Variants in TP53BP1 observed in about 807,000 individuals in gnomAD.
The protein encoded by TP53BP1 is tumor protein p53 binding protein 1.
TP53BP1 carries 61 observed loss-of-function variants against 200.8 expected under a neutral mutation model. The observed-to-expected ratio is 0.30, with a 90% confidence interval of 0.25 to 0.38. TP53BP1 has a LOEUF of 0.38. Ranked by LOEUF, TP53BP1 falls within the 10% of genes least tolerant of loss-of-function variation. The pLI is 1.00. For missense variants in TP53BP1, 2,144 were observed against 2,371.9 expected (o/e 0.90, Z 2.00); for synonymous variants, 822 against 844.3 (o/e 0.97, Z 0.46).
chr15:43,462,392 C>T (rs2046460563), intron 11 of TP53BP1, among the ~76,000 whole-genome samples: 1 of 152,040 alleles, frequency 6.6e-6, no homozygotes, highest in Non-Finnish European at 1.5e-5. Flanking sequence ...CTTCAAACAC[C>T]TGAACTCAAG....
At chr15:43,429,675 T>A (rs1285543106) in intron 17 of TP53BP1, among the ~76,000 whole-genome samples, 2 of 152,232 alleles carry the variant, frequency 1.3e-5, no homozygotes, top group African/African-American at 4.8e-5. Flanking sequence ...ATGTAAATTA[T>A]GTGACTAGTT....
chr15:43,480,822 A>G, intron 5 of TP53BP1, 73 bp downstream of exon 5: 2 of 1,522,024 alleles, frequency 1.3e-6, no homozygotes, highest in South Asian at 2.4e-5. Context: ...AAGAGGAGAA[A>G]TTTAGACATC....
chr15:43,494,099 T>G (rs904200615), upstream of TP53BP1, among the ~76,000 whole-genome samples: 1 of 151,718 alleles, frequency 6.6e-6, no homozygotes, highest in Admixed American at 6.6e-5. Context: ...TGTTGAGGGG[T>G]GGGGGTATAT....
chr15:43,437,589 TG>T (rs1451690906), intron 16 of TP53BP1, among the ~76,000 whole-genome samples: 1 of 152,200 alleles, frequency 6.6e-6, no homozygotes, highest in African/African-American at 2.4e-5. Context: ...CACTCCAGCC[TG>T]GGTGACAGAG....
At chr15:43,497,344 C>A (rs999222989), upstream of TP53BP1, 3 of 899,588 alleles carry the variant, frequency 3.3e-6, no homozygotes, top group Non-Finnish European at 4.0e-6. Context: ...CGCACCACTG[C>A]ACCCCAGCCT....
In TP53BP1 at chr15:43,441,518, T is replaced by C; in HGVS notation, c.3098+8A>G. ...ATTAAACTCTAAATAGCATCCAGCTTTGGTTACCTGGCAACAGACTCAGCA... is the reference window on the plus strand; with the variant it reads ...ATTAAACTCTAAATAGCATCCAGCTCTGGTTACCTGGCAACAGACTCAGCA... On this transcript the variant is annotated splice_region_variant and intron_variant, in intron 15 of 27. Transcript: ENST00000382044. 1 of 1,603,614 alleles carries C rather than the reference T, an allele frequency of 6.2e-7. No homozygotes were observed. The highest frequency in any genetic ancestry group is 8.5e-7 in the Non-Finnish European group (1 of 1,170,456).
intron 2 of TP53BP1, 66 bp downstream of exon 2, chr15:43,492,217 AT>A: frequency 6.6e-7 from 1 of 1,522,992 alleles, no homozygotes. Context: ...CTAAATACTT[AT>A]GTTTGCTGGT....
intron 11 of TP53BP1, among the ~76,000 whole-genome samples, chr15:43,459,711 C>T (rs2245054): frequency 0.28 from 42,654 of 151,222 alleles, 10,198 homozygotes; most frequent in African/African-American, 0.65. Flanking sequence ...GTTGCCTAGG[C>T]TCTGGAGTGC....
At chr15:43,407,744 G>C in intron 27 of TP53BP1, 174 bp from the exon 28 acceptor site, 1 of 776,838 alleles carries the variant, frequency 1.3e-6, no homozygotes, top group Non-Finnish European at 2.0e-6. Context: ...ACTATGTGCT[G>C]ACCTTGTAGA....
In TP53BP1 at chr15:43,465,801, TG is replaced by T. The variant is rs1258228490; in HGVS notation, c.1389+4056del. Among the ~76,000 whole-genome samples, 531 of 86,120 alleles carry T rather than the reference TG, an allele frequency of 6.2e-3. 13 individuals carry two copies. In the East Asian group the frequency reaches 0.14, roughly 23 times the overall value. The allele number at this position is 86,120 out of a possible 152,430, so 56.5% of individuals were successfully genotyped here. ...ACTGCCTTCACACTGTTTTGTTTTT[TG>T]TTGTTGTTGTTGTTGTTGTTTTGTT... On this transcript the variant is annotated intron_variant, in intron 11 of 27. Transcript: ENST00000382044.
intron 26 of TP53BP1, chr15:43,408,447 C>CAGA (rs2044994646): frequency 3.7e-6 from 1 of 269,810 alleles, no homozygotes; most frequent in African/African-American, 2.2e-5. Context: ...CGCCACTGTA[C>CAGA]TCCAGCCTAG....
chr15:43,498,815 G>A (rs2079194268), intron 1 of TP53BP1, among the ~76,000 whole-genome samples: 3 of 152,088 alleles, frequency 2.0e-5, no homozygotes, highest in African/African-American at 7.2e-5. Context: ...AATAAAGAAA[G>A]AGAATGGTAC....
At chr15:43,419,604 C>G (rs1355629293) in intron 21 of TP53BP1, among the ~76,000 whole-genome samples, 3 of 134,028 alleles carry the variant, frequency 2.2e-5, no homozygotes, top group Non-Finnish European at 1.6e-5. Flanking sequence ...TGGTCTCAAA[C>G]TCCTGACCTC....
chr15:43,405,248 C>G lies in TP53BP1; in HGVS notation c.*2135G>C, dbSNP rs761226515. 6.2e-7 allele frequency: 1 copy of G among 1,612,234 alleles called. No homozygotes were observed. Among genetic ancestry groups the G allele is most frequent in the South Asian group, 1.1e-5 (1 of 91,046 alleles). ...GGCTCATAAATTGAAATAACAGCCA[C>G]GTTCCCAAGGTTGTAACAGAAGATT... On this transcript the variant is annotated 3_prime_UTR_variant, in exon 28 of 28. Transcript: ENST00000382044.
intron 18 of TP53BP1, among the ~76,000 whole-genome samples, chr15:43,426,734 C>T (rs1396304973): frequency 2.0e-5 from 3 of 151,756 alleles, no homozygotes; most frequent in Non-Finnish European, 2.9e-5. Flanking sequence ...TGTGCCTTGC[C>T]GGGCGCGGTG....
In TP53BP1 at chr15:43,456,467, T is replaced by A; in HGVS notation, c.2141A>T (p.Lys714Ile). The change falls in exon 12 of 28, where the codon AAA becomes ATA. Residue 714 changes from lysine to isoleucine, a missense_variant. This residue lies in a region of TP53BP1 where 1,700 missense variants were observed against 1,710.3 expected (regional missense o/e 0.99). Coordinates refer to ENST00000382044, the MANE Select transcript of TP53BP1 (RefSeq NM_001141980.3). ...QGLCLQKEMP[K>I]KECSEAMEVE... ...TTCCATAGCTTCTGAGCATTCTTTT[T>A]TTGGCATTTCCTTTTGAAGACACAA... 1 of 1,567,826 alleles carries A rather than the reference T, an allele frequency of 6.4e-7. No individual in the cohort carries two copies. Among genetic ancestry groups the A allele is most frequent in the Non-Finnish European group, 8.6e-7 (1 of 1,162,176 alleles).
intron 2 of TP53BP1, 66 bp downstream of exon 2, chr15:43,492,218 T>G: frequency 6.6e-7 from 1 of 1,526,230 alleles, no homozygotes; most frequent in Non-Finnish European, 8.9e-7. Context: ...TAAATACTTA[T>G]GTTTGCTGGT....
chr15:43,428,943 C>T (rs1014915159), intron 17 of TP53BP1, among the ~76,000 whole-genome samples: 6 of 152,104 alleles, frequency 3.9e-5, no homozygotes, highest in African/African-American at 1.4e-4. Flanking sequence ...GTGCCAGGTA[C>T]TATACTAGAC....
chr15:43,409,647 C>G lies in TP53BP1; in HGVS notation c.5400G>C (p.Gln1800His). The change falls in exon 25 of 28, where the codon CAG becomes CAC. Residue 1800 changes from glutamine to histidine, a missense_variant and splice_region_variant. Coordinates refer to ENST00000382044, the MANE Select transcript of TP53BP1 (RefSeq NM_001141980.3). ...TAGGTTACACAAAGAAACTCCTCACCTGGGCTTCATTGAAATCTTCAAGGA... is the reference window on the plus strand; with the variant it reads ...TAGGTTACACAAAGAAACTCCTCACGTGGGCTTCATTGAAATCTTCAAGGA... The part of the protein sequence containing the change: ...GYILEDFNEA[Q>H]CNTAYQCLLI... The G allele has an allele frequency of 2.0e-6, 3 of 1,525,222 alleles. No homozygotes were observed. The highest frequency in any genetic ancestry group is 1.8e-6 in the Non-Finnish European group (2 of 1,129,856). The allele number at this position is 1,525,222 out of a possible 1,614,324, so 94.5% of individuals were successfully genotyped here. A position where few individuals can be genotyped will look rare whatever the true frequency, so the allele number is the denominator to read the frequency against.
Sources: allele counts gnomAD v4.1 joint callset (sites outside exome capture counted in the v4.1 genomes callset), GRCh38; gene constraint gnomAD v4.1.1; regional missense constraint gnomAD v4.1.1; transcripts MANE v1.5; gene names NCBI Gene and HGNC (gene_info 2026-07-23, HGNC 2026-07-21).